The following TANC1 variants were observed in gnomAD, a reference collection of about 807,000 sequenced individuals.
TANC1 encodes protein TANC1.
In TANC1, 77 loss-of-function variants were observed where a neutral mutation model predicts 149.7. The ratio of observed to expected loss-of-function variants is 0.51; its 90% confidence interval spans 0.43 to 0.62. The LOEUF (loss-of-function observed/expected upper bound fraction) is 0.62, where lower values mean the gene tolerates loss of function less well. Among genes scored for constraint, TANC1 ranks in the 20% least tolerant of loss-of-function variants. The pLI is 0.00. For missense variants in TANC1, 1,985 were observed against 2,321.8 expected, an observed-to-expected ratio of 0.85 and a Z score of 2.98; for synonymous variants, 854 against 925.0, an observed-to-expected ratio of 0.92 and a Z score of 1.39.
chr2:159,227,451 A>G (rs1391236749), intron 24 of TANC1: 3 of 216,830 alleles, frequency 1.4e-5, no homozygotes, highest in Admixed American at 5.7e-5. Context: ...TCTGATTTCT[A>G]TTACACTTAG....
intron 18 of TANC1, 97 bp downstream of exon 18, chr2:159,196,890 A>G: frequency 1.6e-6 from 2 of 1,238,184 alleles, no homozygotes; most frequent in East Asian, 2.5e-5. Flanking sequence ...GGATGCCAAG[A>G]ACTAGCATTT....
chr2:159,010,244 A>G (rs1028248142), intron 2 of TANC1, among the ~76,000 whole-genome samples: 2 of 152,212 alleles, frequency 1.3e-5, no homozygotes, highest in African/African-American at 4.8e-5. Flanking sequence ...CTTATCCTTA[A>G]TTTTACATAA....
intron 2 of TANC1, among the ~76,000 whole-genome samples, chr2:159,048,595 CA>C (rs1336013679): frequency 6.6e-6 from 1 of 152,156 alleles, no homozygotes; most frequent in Non-Finnish European, 1.5e-5. Flanking sequence ...ACAATGTGAA[CA>C]TAGAAATTTT....
At chr2:159,223,693 C>A (rs576018252) in intron 22 of TANC1, among the ~76,000 whole-genome samples, 4 of 152,248 alleles carry the variant, frequency 2.6e-5, no homozygotes, top group South Asian at 4.1e-4. Flanking sequence ...GTCTTTGTAC[C>A]GTGGTATCAA....
intron 5 of TANC1, among the ~76,000 whole-genome samples, chr2:159,138,698 A>G (rs2051044889): frequency 1.3e-5 from 2 of 152,162 alleles, no homozygotes; most frequent in East Asian, 3.9e-4. Context: ...TTCTTGTTTA[A>G]GTTTCTAAGA....
rs2059429566 is a variant in TANC1 at position 159,217,628 on chromosome 2, C to G, written c.3376C>G (p.Gln1126Glu). The change falls in exon 20 of 27, where the codon CAG becomes GAG. Residue 1126 changes from glutamine (Q) to glutamate (E), a missense_variant and splice_region_variant. By Grantham distance (29) the Gln-to-Glu change is conservative. This residue lies in a region of TANC1 where 920 missense variants were observed against 994.7 expected (regional missense o/e 0.92). Coordinates refer to ENST00000263635, the MANE Select transcript of TANC1 (RefSeq NM_033394.3). ...LFCAARQGHWQIVRLLLERGC... is the reference protein window; with the variant it reads ...LFCAARQGHWEIVRLLLERGC... ...TTGTGCAGCACGCCAGGGGCATTGGCAGGTACCCAGGGGGCCCCTGAATGC... is the reference window on the plus strand; with the variant it reads ...TTGTGCAGCACGCCAGGGGCATTGGGAGGTACCCAGGGGGCCCCTGAATGC... 5 of 1,613,930 alleles carry G rather than the reference C, an allele frequency of 3.1e-6. No homozygotes were observed. In the East Asian group the frequency reaches 1.1e-4, roughly 36 times the overall value.
intron 7 of TANC1, among the ~76,000 whole-genome samples, chr2:159,161,888 C>A (rs1285555181): frequency 1.3e-5 from 2 of 152,222 alleles, no homozygotes; most frequent in Non-Finnish European, 2.9e-5. Context: ...TTTGCTCATT[C>A]ATTCAATTAG....
intron 19 of TANC1, among the ~76,000 whole-genome samples, chr2:159,209,389 G>C (rs1331163939): frequency 6.6e-6 from 1 of 152,232 alleles, no homozygotes; most frequent in East Asian, 1.9e-4. Flanking sequence ...TCAGAGACGG[G>C]AGGAAATGCC....
At chr2:159,160,475 C>G (rs904194697) in intron 7 of TANC1, among the ~76,000 whole-genome samples, 1 of 152,104 alleles carries the variant, frequency 6.6e-6, no homozygotes, top group Non-Finnish European at 1.5e-5. Flanking sequence ...AGAAAGATGT[C>G]GTTTATTGGA....
intron 14 of TANC1, among the ~76,000 whole-genome samples, chr2:159,181,701 T>C (rs1297358196): frequency 6.6e-6 from 1 of 152,268 alleles, no homozygotes; most frequent in Non-Finnish European, 1.5e-5. Context: ...TTGATTCTTG[T>C]ATATTTTTCT....
chr2:159,202,269 C>T (rs546601805), intron 19 of TANC1, among the ~76,000 whole-genome samples: 9 of 152,166 alleles, frequency 5.9e-5, no homozygotes, highest in Non-Finnish European at 1.2e-4. Context: ...TGAATGTCAT[C>T]ACAGAAGTAG....
intron 16 of TANC1, among the ~76,000 whole-genome samples, chr2:159,191,018 G>A (rs745983727): frequency 1.2e-4 from 18 of 152,202 alleles, no homozygotes; most frequent in Non-Finnish European, 2.6e-4. Context: ...GCAGTGTTAG[G>A]ACTGGACACC....
intron 1 of TANC1, among the ~76,000 whole-genome samples, chr2:158,992,476 A>G (rs1440222830): frequency 6.6e-6 from 1 of 151,424 alleles, no homozygotes; most frequent in Non-Finnish European, 1.5e-5. Context: ...TAGCTAAGGT[A>G]TACATGTACT....
chr2:159,229,857 C>A lies in TANC1; in HGVS notation c.4431C>A (p.Ser1477=). 1 of 1,614,136 alleles carries A rather than the reference C, an allele frequency of 6.2e-7. No homozygotes were observed. The highest frequency in any genetic ancestry group is 8.5e-7 in the Non-Finnish European group (1 of 1,180,044). The part of the protein sequence containing the change: ...QEESVSPTPR[S]QPSSSVPSSY... ...AATCTGTTTCCCCAACTCCCAGGTCCCAGCCATCCTCATCTGTCCCTTCCT... is the reference window on the plus strand; with the variant it reads ...AATCTGTTTCCCCAACTCCCAGGTCACAGCCATCCTCATCTGTCCCTTCCT... The change falls in exon 27 of 27, where the codon TCC becomes TCA. Residue 1477 remains serine, a synonymous_variant. Transcript: ENST00000263635.
chr2:159,225,533 C>T, intron 23 of TANC1, 155 bp from the exon 24 acceptor site: 1 of 638,324 alleles, frequency 1.6e-6, no homozygotes, highest in Non-Finnish European at 2.8e-6. Context: ...GGATTAGCAA[C>T]AGCCTCGCCG....
intron 5 of TANC1, among the ~76,000 whole-genome samples, chr2:159,141,946 G>A (rs1328189709): frequency 6.6e-6 from 1 of 152,094 alleles, no homozygotes; most frequent in Non-Finnish European, 1.5e-5. Context: ...AGATCTACAG[G>A]AAAATCAAAA....
intron 3 of TANC1, among the ~76,000 whole-genome samples, chr2:159,066,362 T>C (rs551305063): frequency 6.6e-6 from 1 of 152,256 alleles, no homozygotes; most frequent in African/African-American, 2.4e-5. Flanking sequence ...TGCAGTGAGC[T>C]ATGATAAAGC....
chr2:159,184,509 G>A (rs917828), intron 14 of TANC1, among the ~76,000 whole-genome samples: 140,781 of 152,244 alleles, frequency 0.92, 65,145 homozygotes, highest in Admixed American at 0.95. Flanking sequence ...TGATGGACAC[G>A]GTTGGCCTGG....
intron 5 of TANC1, 101 bp from the exon 6 acceptor site, chr2:159,149,040 AC>A: frequency 7.3e-7 from 1 of 1,362,794 alleles, no homozygotes; most frequent in Non-Finnish European, 1.0e-6. Flanking sequence ...TTATAGAAAC[AC>A]ACAAAATCAC....
Sources: gnomAD v4.1 joint callset for allele counts (sites outside exome capture counted in the v4.1 genomes callset) on GRCh38, gnomAD v4.1.1 for gene constraint, gnomAD v4.1.1 regional missense constraint, MANE v1.5 for transcripts, NCBI Gene and HGNC (gene_info 2026-07-23, HGNC 2026-07-21) for gene names.